Variants in ARL14EPL observed in about 807,000 individuals in gnomAD.
ARL14EPL encodes the protein ARF like GTPase 14 effector protein like, also known as ARL14 effector protein-like.
In ARL14EPL, 17 loss-of-function variants were observed where a neutral mutation model predicts 15.9. The observed-to-expected ratio is 1.07, with a 90% CI of 0.73 to 1.60. ARL14EPL has a LOEUF of 1.60. Ranked by LOEUF, ARL14EPL falls within the 40% of genes most tolerant of loss-of-function variation. The pLI is 0.00. For synonymous variants in ARL14EPL, 78 were observed against 63.8 expected (o/e 1.22, Z -1.06); for missense variants, 214 against 185.9 (o/e 1.15, Z -0.88).
rs1285755845 is a variant in ARL14EPL at position 116,034,610 on chromosome 5, G to C, written c.-10+2105G>C. On this transcript the variant is annotated intron_variant, in intron 1 of 3. Transcript: ENST00000686077. Reference sequence around the variant, plus strand: ...GAAGTTTTGACCTGCTCAACTAGAAGTAGTACAACGAAGTAGGGAAGAGAT... The same window carrying C: ...GAAGTTTTGACCTGCTCAACTAGAACTAGTACAACGAAGTAGGGAAGAGAT... Among the ~76,000 whole-genome samples, 4 of 152,070 alleles carry C rather than the reference G, an allele frequency of 2.6e-5. No homozygotes were observed. In the East Asian group the frequency reaches 7.7e-4, roughly 29 times the overall value.
At chr5:116,049,009 T>C (rs1283898921) in intron 1 of ARL14EPL, among the ~76,000 whole-genome samples, 1 of 152,304 alleles carries the variant, frequency 6.6e-6, no homozygotes, top group Non-Finnish European at 1.5e-5. Context: ...AAGTGCATTT[T>C]TGGCATATGA....
At chr5:116,035,484 G>A (rs1749031837) in intron 1 of ARL14EPL, among the ~76,000 whole-genome samples, 1 of 152,128 alleles carries the variant, frequency 6.6e-6, no homozygotes, top group Non-Finnish European at 1.5e-5. Context: ...AAACCAAATC[G>A]GCTTTTTTGA....
At chr5:116,048,636 A>C (rs759868236) in intron 1 of ARL14EPL, among the ~76,000 whole-genome samples, 4 of 152,190 alleles carry the variant, frequency 2.6e-5, no homozygotes, top group Non-Finnish European at 4.4e-5. Context: ...GTTATCTTGA[A>C]GAAGTGATGA....
intron 3 of ARL14EPL, 108 bp from the exon 4 acceptor site, chr5:116,058,617 T>C: frequency 9.6e-7 from 1 of 1,045,656 alleles, no homozygotes; most frequent in East Asian, 2.6e-5. Flanking sequence ...TCTGGAGTTC[T>C]GGGTCAGGGT....
chr5:116,045,789 C>T lies in ARL14EPL; in HGVS notation c.-9-5668C>T, dbSNP rs559671224. Among the ~76,000 whole-genome samples, 1,107 of 141,392 alleles carry T rather than the reference C, an allele frequency of 7.8e-3. 42 individuals carry two copies. Among genetic ancestry groups the T allele is most frequent in the Admixed American group, 0.069 (970 of 14,040 alleles). The allele number at this position is 141,392 out of a possible 152,430, so 92.8% of individuals were successfully genotyped here. On this transcript the variant is annotated intron_variant, in intron 1 of 3. Coordinates refer to ENST00000686077, the MANE Select transcript of ARL14EPL (RefSeq NM_001195581.2). ...GTGTGTGTGTGTGTGTGTATGTGTA[C>T]GAAAATACAACTACAAAAGTATGGC... is the stretch of plus-strand genomic sequence containing the variant.
intron 1 of ARL14EPL, among the ~76,000 whole-genome samples, chr5:116,032,708 A>C (rs768319560): frequency 2.0e-5 from 3 of 152,208 alleles, no homozygotes; most frequent in Admixed American, 2.0e-4. Flanking sequence ...GATACTATCC[A>C]TGGTTTCAGG....
intron 1 of ARL14EPL, among the ~76,000 whole-genome samples, chr5:116,036,322 A>G (rs1345803171): frequency 6.6e-6 from 1 of 152,196 alleles, no homozygotes. Context: ...TCTAAAACAC[A>G]TACATCTTCC....
intron 1 of ARL14EPL, among the ~76,000 whole-genome samples, chr5:116,042,409 T>A (rs2112670466): frequency 6.6e-6 from 1 of 152,346 alleles, no homozygotes; most frequent in East Asian, 1.9e-4. Context: ...AAGGAGCTAC[T>A]GGTCCTGGCT....
intron 1 of ARL14EPL, among the ~76,000 whole-genome samples, chr5:116,037,854 G>C (rs1749075422): frequency 6.6e-6 from 1 of 152,174 alleles, no homozygotes; most frequent in Admixed American, 6.5e-5. Flanking sequence ...GTTTTAGTTG[G>C]TGGTTTTTAT....
intron 1 of ARL14EPL, among the ~76,000 whole-genome samples, 185 bp downstream of exon 1, chr5:116,032,690 T>C (rs1039894335): frequency 3.3e-5 from 5 of 152,208 alleles, no homozygotes; most frequent in South Asian, 2.1e-4. Context: ...GTAGTGTATA[T>C]AGAGTAGGAT....
chr5:116,032,829 G>C (rs2662450), intron 1 of ARL14EPL, among the ~76,000 whole-genome samples: 79,404 of 151,910 alleles, frequency 0.52, 22,385 homozygotes, highest in African/African-American at 0.75. Flanking sequence ...CAGGGTGTCA[G>C]TCTGTCAATG....
chr5:116,039,795 C>A (rs1437600234), intron 1 of ARL14EPL, among the ~76,000 whole-genome samples: 2 of 152,126 alleles, frequency 1.3e-5, no homozygotes, highest in Non-Finnish European at 2.9e-5. Context: ...ACAGATGCTG[C>A]AGACATCAAT....
intron 2 of ARL14EPL, chr5:116,052,314 C>T (rs934775513): frequency 1.8e-5 from 19 of 1,082,778 alleles, no homozygotes; most frequent in Admixed American, 3.4e-5. Context: ...CAGCAGACAC[C>T]GCAGCCTTGC....
At chr5:116,035,881 A>G (rs189682907) in intron 1 of ARL14EPL, among the ~76,000 whole-genome samples, 1 of 152,238 alleles carries the variant, frequency 6.6e-6, no homozygotes, top group African/African-American at 2.4e-5. Context: ...ACTGGAATTC[A>G]ACAGCCACTG....
intron 1 of ARL14EPL, among the ~76,000 whole-genome samples, chr5:116,041,398 A>T (rs1192090697): frequency 1.3e-5 from 2 of 152,150 alleles, no homozygotes; most frequent in Non-Finnish European, 2.9e-5. Context: ...GAAAACACTG[A>T]AGTAGTTTTA....
chr5:116,053,479 T>A (rs1435112113), intron 2 of ARL14EPL, among the ~76,000 whole-genome samples: 1 of 152,084 alleles, frequency 6.6e-6, no homozygotes, highest in African/African-American at 2.4e-5. Context: ...TGAAAGTCGA[T>A]CCTTCAGGTG....
chr5:116,050,856 C>G (rs968433543), intron 1 of ARL14EPL, among the ~76,000 whole-genome samples: 1 of 109,442 alleles, frequency 9.1e-6, no homozygotes, highest in African/African-American at 3.3e-5. Context: ...CACACACACA[C>G]AGACGCACGC....
chr5:116,032,707 C>CT (rs749063978), intron 1 of ARL14EPL, among the ~76,000 whole-genome samples: 3 of 152,088 alleles, frequency 2.0e-5, no homozygotes, highest in Admixed American at 2.0e-4. Context: ...GGATACTATC[C>CT]ATGGTTTCAG....
intron 1 of ARL14EPL, among the ~76,000 whole-genome samples, chr5:116,046,598 A>T (rs1749272706): frequency 6.6e-6 from 1 of 152,166 alleles, no homozygotes; most frequent in African/African-American, 2.4e-5. Flanking sequence ...GCTTAAAAGT[A>T]AACATCATGT....
Sources: allele counts gnomAD v4.1 joint callset (sites outside exome capture counted in the v4.1 genomes callset), GRCh38; gene constraint gnomAD v4.1.1; transcripts MANE v1.5; gene names NCBI Gene and HGNC (gene_info 2026-07-23, HGNC 2026-07-21).